TSR3: variants seen among roughly 807,000 people sequenced by gnomAD.
TSR3 encodes the protein 18S rRNA aminocarboxypropyltransferase.
A neutral mutation model predicts 28.1 loss-of-function variants in TSR3; 31 were observed. That is an observed-to-expected ratio of 1.10 (90% confidence interval 0.83 to 1.49). The LOEUF (loss-of-function observed/expected upper bound fraction) is 1.49. TSR3 is among the 40% of genes most tolerant of loss of function. The pLI is 0.00. For missense variants in TSR3, 511 were observed against 444.0 expected, an observed-to-expected ratio of 1.15 and a Z score of -1.36; for synonymous variants, 219 against 197.2, an observed-to-expected ratio of 1.11 and a Z score of -0.93.
chr16:1,351,282 T>TGGATGTGGGTGC, intron 2 of TSR3, 97 bp downstream of exon 2: 1 of 1,298,374 alleles, frequency 7.7e-7, no homozygotes, highest in Non-Finnish European at 1.0e-6. Flanking sequence ...CACGTGGGTG[T>TGGATGTGGGTGC]GGATGTGGGT....
rs1350041713 is a variant in TSR3, at chr16:1,351,857, C to T, written c.-53G>A. On this transcript the variant is annotated 5_prime_UTR_variant, in exon 1 of 6. Coordinates refer to ENST00000007390, the MANE Select transcript of TSR3 (RefSeq NM_001001410.3). ...CCCACCCCACGGCCGCGCCCCTCGG[C>T]CTCCCAATGGGCTGTGCGGCTGCCA... 68 of 1,275,226 alleles carry T rather than the reference C, an allele frequency of 5.3e-5. No homozygotes were observed. The highest frequency in any genetic ancestry group is 6.2e-5 in the Non-Finnish European group (63 of 1,015,414). 79.0% of individuals were successfully genotyped at this position (1,275,226 alleles called of 1,614,324 possible).
chr16:1,349,272 C>G lies in TSR3; in HGVS notation c.*165G>C. 1 of 774,418 alleles carries G rather than the reference C, an allele frequency of 1.3e-6. No homozygotes were observed. 48.0% of individuals were successfully genotyped at this position (774,418 alleles called of 1,614,324 possible). On this transcript the variant is annotated 3_prime_UTR_variant, in exon 6 of 6. Coordinates refer to ENST00000007390, the MANE Select transcript of TSR3 (RefSeq NM_001001410.3). ...CCTGCAGCTTCATTTGCGAGAGCGCCGAGGCAGGACACAGAGCACAGCTGT... is the reference window on the plus strand; with the variant it reads ...CCTGCAGCTTCATTTGCGAGAGCGCGGAGGCAGGACACAGAGCACAGCTGT...
chr16:1,350,427 G>A (rs901259262), intron 3 of TSR3, among the ~76,000 whole-genome samples, 193 bp from the exon 4 acceptor site: 10 of 152,046 alleles, frequency 6.6e-5, no homozygotes, highest in Non-Finnish European at 1.5e-4. Flanking sequence ...CTCTGCAACC[G>A]ACCAAGTCCC....
chr16:1,351,320 C>T, intron 2 of TSR3, 59 bp downstream of exon 2: 6 of 1,518,492 alleles, frequency 4.0e-6, no homozygotes, highest in Non-Finnish European at 5.3e-6. Context: ...CTAAACCATC[C>T]CTGAAGGGAA....
chr16:1,349,844 G>T (rs773573593), intron 5 of TSR3, 45 bp downstream of exon 5: 2 of 1,607,398 alleles, frequency 1.2e-6, no homozygotes, highest in South Asian at 2.2e-5. Context: ...AGGTAGAAGA[G>T]AGCCCTGGGT....
At position 1,350,987 on chromosome 16, in the gene TSR3, G is replaced by T; in HGVS notation, c.346C>A (p.Gln116Lys). The T allele has an allele frequency of 6.2e-7, 1 of 1,611,804 alleles. No individual in the cohort carries two copies. The highest frequency in any genetic ancestry group is 8.5e-7 in the Non-Finnish European group (1 of 1,179,804). The change falls in exon 3 of 6, where the codon CAG becomes AAG. Residue 116 changes from glutamine (Q) to lysine (K), a missense_variant. Gln to Lys is a moderately conservative substitution (Grantham distance 53). Coordinates refer to ENST00000007390, the MANE Select transcript of TSR3 (RefSeq NM_001001410.3). ...CAGTCGATGACGGCGACCCCAGACT[G>T]CGCCACCAGCTGTCTGCCAGGGACA... ...ASPADRQLVA[Q>K]SGVAVIDCSW... is the part of the protein sequence containing the mutation.
Position 1,351,835 on chromosome 16 carries a change from AC to A in TSR3, c.-32del. On this transcript the variant is annotated 5_prime_UTR_variant, in exon 1 of 6. Coordinates refer to ENST00000007390, the MANE Select transcript of TSR3 (RefSeq NM_001001410.3). The stretch of plus-strand genomic sequence containing the variant: ...GGACCTGGGGTGCCGGGGACTCCCC[AC>A]CCCACGGCCGCGCCCCTCGGCCTCC... The A allele has an allele frequency of 7.8e-7, 1 of 1,282,046 alleles. No homozygotes were observed. The highest frequency in any genetic ancestry group is 9.8e-7 in the Non-Finnish European group (1 of 1,019,126). The allele number at this position is 1,282,046 out of a possible 1,614,324, so 79.4% of individuals were successfully genotyped here.
rs200577377 is a variant in TSR3, at chr16:1,350,998, T to C, written c.335A>G (p.Gln112Arg). 42 of 1,611,446 alleles carry C rather than the reference T, an allele frequency of 2.6e-5. No homozygotes were observed. The Admixed American group carries it at 4.0e-4, about 15-fold the overall frequency. Residue 112 changes from glutamine to arginine, a missense_variant and splice_region_variant, in exon 3 of 6, where the codon CAG becomes CGG. Physicochemically the swap from Gln to Arg is conservative, Grantham distance 43. Transcript: ENST00000007390. ...GKQYASPADR[Q>R]LVAQSGVAVI... ...GGCGACCCCAGACTGCGCCACCAGC[T>C]GTCTGCCAGGGACAGCATGGGATAA...
In TSR3 at chr16:1,349,572, C is replaced by G. The variant is rs1446863827; in HGVS notation, c.804G>C (p.Glu268Asp). ...PSDTDDSDAS[E>D]DPGPGAERGG... is the part of the protein sequence containing the mutation. Reference sequence around the variant, plus strand: ...CGCGCTCGGCGCCAGGCCCTGGGTCCTCAGACGCATCACTGTCATCAGTGT... The same window carrying G: ...CGCGCTCGGCGCCAGGCCCTGGGTCGTCAGACGCATCACTGTCATCAGTGT... The change falls in exon 6 of 6, where the codon GAG (glutamate) becomes GAC (aspartate). Residue 268 changes from glutamate (E) to aspartate (D), a missense_variant. Coordinates refer to ENST00000007390, the MANE Select transcript of TSR3 (RefSeq NM_001001410.3). 6.2e-7 allele frequency: 1 copy of G among 1,611,988 alleles called. No individual in the cohort carries two copies. Among genetic ancestry groups the G allele is most frequent in the East Asian group, 2.2e-5 (1 of 44,876 alleles).
intron 1 of TSR3, 21 bp from the exon 2 acceptor site, chr16:1,351,619 C>T: frequency 6.9e-7 from 1 of 1,456,058 alleles, no homozygotes. Context: ...GAGAGAAGGG[C>T]ACTCGGCCTC....
At chr16:1,351,289 G>A in intron 2 of TSR3, 90 bp downstream of exon 2, 1 of 1,350,326 alleles carries the variant, frequency 7.4e-7, no homozygotes, top group Admixed American at 2.4e-5. Context: ...GTGTGGATGT[G>A]GGTGCGACAT....
Position 1,351,593 on chromosome 16 carries a change from C to T in TSR3, c.118G>A (p.Val40Met). ...TCGCCGTCAGCCGCCCCTGGCTCCA[C>T]GGAAGCTGCACGAGAGAGAGAAGGG... ...EEVGAALQAS[V>M]EPGAADGEGG... Residue 40 changes from valine (V) to methionine (M), a missense_variant, in exon 2 of 6, where the codon GTG becomes ATG. Coordinates refer to ENST00000007390, the MANE Select transcript of TSR3 (RefSeq NM_001001410.3). 1 of 1,475,398 alleles carries T rather than the reference C, an allele frequency of 6.8e-7. No homozygotes were observed. Among genetic ancestry groups the T allele is most frequent in the Non-Finnish European group, 8.9e-7 (1 of 1,122,104 alleles). The allele number at this position is 1,475,398 out of a possible 1,614,324, so 91.4% of individuals were successfully genotyped here. A position where few individuals can be genotyped will look rare whatever the true frequency, so the allele number is the denominator to read the frequency against.
intron 2 of TSR3, 70 bp from the exon 3 acceptor site, chr16:1,351,070 G>A: frequency 6.1e-6 from 9 of 1,485,738 alleles, no homozygotes; most frequent in Non-Finnish European, 5.5e-6. Flanking sequence ...CCGGAGAATG[G>A]CCTAGCTAAG....
In TSR3 at chr16:1,349,938, C is replaced by T. The variant is rs759891341; in HGVS notation, c.718G>A (p.Asp240Asn). The T allele has an allele frequency of 2.5e-6, 4 of 1,613,614 alleles. No homozygotes were observed. Among genetic ancestry groups the T allele is most frequent in the Admixed American group, 3.3e-5 (2 of 60,020 alleles). ...QEEEIDPFDV[D>N]SGREFGNPNR... ...GGGTTTCCAAACTCTCTCCCTGAATCCACATCGAAGGGATCTGAGCCGAGA... is the reference window on the plus strand; with the variant it reads ...GGGTTTCCAAACTCTCTCCCTGAATTCACATCGAAGGGATCTGAGCCGAGA... Residue 240 changes from aspartate to asparagine, a missense_variant, in exon 5 of 6, where the codon GAT becomes AAT. Physicochemically the swap from Asp to Asn is conservative, Grantham distance 23. Transcript: ENST00000007390.
Position 1,351,821 on chromosome 16 carries a change from G to A in TSR3, c.-17C>T, listed in dbSNP as rs1425029559. 6 of 1,305,366 alleles carry A rather than the reference G, an allele frequency of 4.6e-6. No homozygotes were observed. Among genetic ancestry groups the A allele is most frequent in the Non-Finnish European group, 4.8e-6 (5 of 1,032,324 alleles). 80.9% of individuals were successfully genotyped at this position (1,305,366 alleles called of 1,614,324 possible). On this transcript the variant is annotated 5_prime_UTR_variant, in exon 1 of 6. Transcript: ENST00000007390. ...GCGGCCCATGGCGCGGACCTGGGGT[G>A]CCGGGGACTCCCCACCCCACGGCCG...
In TSR3 at chr16:1,351,491, T is replaced by G; in HGVS notation, c.220A>C (p.Thr74Pro). 2 of 1,565,788 alleles carry G rather than the reference T, an allele frequency of 1.3e-6. No homozygotes were observed. Among genetic ancestry groups the G allele is most frequent in the Non-Finnish European group, 1.7e-6 (2 of 1,164,318 alleles). ...CCCAGGCGGGCCAGCTTGCGGCCCGTGCAGCGCCGGGGGTCGCAGTGGCCC... is the reference window on the plus strand; with the variant it reads ...CCCAGGCGGGCCAGCTTGCGGCCCGGGCAGCGCCGGGGGTCGCAGTGGCCC... ...ELGHCDPRRCTGRKLARLGLV... is the reference protein window; with the variant it reads ...ELGHCDPRRCPGRKLARLGLV... Residue 74 changes from threonine to proline, a missense_variant, in exon 2 of 6, where the codon ACG becomes CCG. Transcript: ENST00000007390.
At chr16:1,351,067 A>G (rs759022052) in intron 2 of TSR3, 67 bp from the exon 3 acceptor site, 1 of 1,511,766 alleles carries the variant, frequency 6.6e-7, no homozygotes, top group Non-Finnish European at 9.1e-7. Context: ...GCCCCGGAGA[A>G]TGGCCTAGCT....
In TSR3 at chr16:1,349,922, A is replaced by C. The variant is rs747184246; in HGVS notation, c.734T>G (p.Phe245Cys). 9 of 1,613,560 alleles carry C rather than the reference A, an allele frequency of 5.6e-6. No homozygotes were observed. Among genetic ancestry groups the C allele is most frequent in the Non-Finnish European group, 7.6e-6 (9 of 1,179,978 alleles). The change falls in exon 5 of 6, where the codon TTT becomes TGT. Residue 245 changes from phenylalanine to cysteine, a missense_variant. Coordinates refer to ENST00000007390, the MANE Select transcript of TSR3 (RefSeq NM_001001410.3). ...DPFDVDSGRE[F>C]GNPNRPVAST... Reference sequence around the variant, plus strand: ...GGCCACAGGCCTGTTGGGGTTTCCAAACTCTCTCCCTGAATCCACATCGAA... The same window carrying C: ...GGCCACAGGCCTGTTGGGGTTTCCACACTCTCTCCCTGAATCCACATCGAA...
intron 3 of TSR3, 93 bp from the exon 4 acceptor site, chr16:1,350,327 A>C (rs2034636706): frequency 3.7e-6 from 5 of 1,349,948 alleles, no homozygotes; most frequent in Non-Finnish European, 5.0e-6. Flanking sequence ...CGCTCTCCCA[A>C]GTAACCGCAG....
Sources: allele counts gnomAD v4.1 joint callset (sites outside exome capture counted in the v4.1 genomes callset), GRCh38; gene constraint gnomAD v4.1.1; transcripts MANE v1.5; gene names NCBI Gene and HGNC (gene_info 2026-07-23, HGNC 2026-07-21).